The following SYT5 variants were observed in gnomAD, a reference collection of about 807,000 sequenced individuals.
SYT5 encodes the protein synaptotagmin-5.
A neutral mutation model predicts 36.0 loss-of-function variants in SYT5; 29 were observed. The ratio of observed to expected loss-of-function variants is 0.81; its 90% CI spans 0.60 to 1.10. The LOEUF (loss-of-function observed/expected upper bound fraction) is 1.10, where lower values mean the gene tolerates loss of function less well. Ranked by LOEUF, SYT5 falls within the 50% of genes least tolerant of loss-of-function variation. The pLI, the probability that SYT5 is intolerant of heterozygous loss-of-function variation, is 0.00. For synonymous variants in SYT5, 231 were observed against 227.6 expected (o/e 1.02, Z -0.14); for missense variants, 512 against 516.0 (o/e 0.99, Z 0.08).
At chr19:55,174,421 C>T (rs767934329) in intron 8 of SYT5, 96 bp downstream of exon 8, 159 of 1,497,940 alleles carry the variant, frequency 1.1e-4, no homozygotes, top group Non-Finnish European at 1.4e-4. Context: ...GACCCCCTCA[C>T]CTGGTTTCTA....
At position 55,175,367 on chromosome 19, in the gene SYT5, A is replaced by G. The variant is rs374069687; in HGVS notation, c.541-28T>C. On this transcript the variant is annotated intron_variant, in intron 5 of 8. Coordinates refer to ENST00000354308, the MANE Select transcript of SYT5 (RefSeq NM_003180.3). The surrounding 1 kb of genome is among the most constrained non-coding windows in gnomAD (Gnocchi z 4.5). The stretch of plus-strand genomic sequence containing the variant: ...GGAGTGCACAGAGAATCCGCAGTAG[A>G]GAGCAGGAAGTCAGAGATAGGGTGA... The G allele has an allele frequency of 6.6e-6, 10 of 1,506,630 alleles. No individual in the cohort carries two copies. In the African/African-American group the frequency reaches 1.1e-4, roughly 17 times the overall value. The allele number at this position is 1,506,630 out of a possible 1,614,324, so 93.3% of individuals were successfully genotyped here. A position where few individuals can be genotyped will look rare whatever the true frequency, so the allele number is the denominator to read the frequency against.
Position 55,178,302 on chromosome 19 carries a change from C to T in SYT5, c.146G>A (p.Cys49Tyr), listed in dbSNP as rs772003863. Residue 49 changes from cysteine (C) to tyrosine (Y), a missense_variant, in exon 3 of 9, where the codon TGT becomes TAT. Physicochemically the swap from Cys to Tyr is radical, Grantham distance 194. Coordinates refer to ENST00000354308, the MANE Select transcript of SYT5 (RefSeq NM_003180.3). ...SGLLIFSCCF[C>Y]LYRKSCRRRT... ...CCTCCGACAGCTCTTCCGGTAGAGACAGAAACAGCAGCTGAAGATGAGGAG... is the reference window on the plus strand; with the variant it reads ...CCTCCGACAGCTCTTCCGGTAGAGATAGAAACAGCAGCTGAAGATGAGGAG... The T allele has an allele frequency of 2.3e-5, 37 of 1,612,122 alleles. No individual in the cohort carries two copies. The South Asian group carries it at 3.4e-4, about 15-fold the overall frequency.
intron 7 of SYT5, 55 bp downstream of exon 7, chr19:55,174,827 C>T (rs201732298): frequency 7.5e-5 from 120 of 1,589,758 alleles, no homozygotes; most frequent in African/African-American, 5.4e-5. Context: ...ACTGTCAGAA[C>T]GAGAACCCAC....
Position 55,173,477 on chromosome 19 carries a change from G to C in SYT5, c.*7C>G, listed in dbSNP as rs1019081625. ...GTCCAGGCTTGGCCGGGGGCTTGGGGTGGGAGTCAGGGCGCAGGCAGCAGC... is the reference window on the plus strand; with the variant it reads ...GTCCAGGCTTGGCCGGGGGCTTGGGCTGGGAGTCAGGGCGCAGGCAGCAGC... On this transcript the variant is annotated 3_prime_UTR_variant, in exon 9 of 9. Transcript: ENST00000354308. This position sits in a 1 kb window ranked among gnomAD's most constrained non-coding sequence, Gnocchi z 5.4. 32 of 1,357,594 alleles carry C rather than the reference G, an allele frequency of 2.4e-5. No homozygotes were observed. The Middle Eastern group carries it at 8.3e-4, about 35-fold the overall frequency. 84.1% of individuals were successfully genotyped at this position (1,357,594 alleles called of 1,614,324 possible).
chr19:55,177,823 A>G (rs766426704), intron 3 of SYT5, among the ~76,000 whole-genome samples: 9 of 152,194 alleles, frequency 5.9e-5, no homozygotes, highest in Non-Finnish European at 1.0e-4. Flanking sequence ...CCCAAGTGCT[A>G]GGATTACAGG....
In SYT5 at chr19:55,173,783, C is replaced by T; in HGVS notation, c.961-99G>A. The T allele has an allele frequency of 1.6e-6, 2 of 1,246,472 alleles. No individual in the cohort carries two copies. Among genetic ancestry groups the T allele is most frequent in the Non-Finnish European group, 2.0e-6 (2 of 977,842 alleles). 77.2% of individuals were successfully genotyped at this position (1,246,472 alleles called of 1,614,324 possible). ...TCACGGCTGAGGGTACCTCTCGCTGCCACCCGAGGGCTCGGGGCCCCGGAG... is the reference window on the plus strand; with the variant it reads ...TCACGGCTGAGGGTACCTCTCGCTGTCACCCGAGGGCTCGGGGCCCCGGAG... On this transcript the variant is annotated intron_variant, in intron 8 of 8. Coordinates refer to ENST00000354308, the MANE Select transcript of SYT5 (RefSeq NM_003180.3). The surrounding 1 kb of genome is among the most constrained non-coding windows in gnomAD (Gnocchi z 5.4).
intron 2 of SYT5, among the ~76,000 whole-genome samples, 197 bp downstream of exon 2, chr19:55,178,753 ATTTTTTTTTTTTT>A (rs5828614): frequency 5.2e-4 from 26 of 50,474 alleles, no homozygotes; most frequent in East Asian, 2.1e-3. Flanking sequence ...TCCGGTTTCG[ATTTTTTTTTTTTT>A]TTTTTTTTTT....
rs530168575 is a variant in SYT5, at chr19:55,172,905, C to T, written c.*579G>A. ...CCCAACATTCTCCAGAGGAGGAAAC[C>T]CAGGCTCAGAGTGGTGAGTGAGGAA... On this transcript the variant is annotated 3_prime_UTR_variant, in exon 9 of 9. Transcript: ENST00000354308. 1 of 152,476 alleles carries T rather than the reference C, an allele frequency of 6.6e-6. No individual in the cohort carries two copies. The highest frequency in any genetic ancestry group is 2.4e-5 in the African/African-American group (1 of 41,572). The allele number at this position is 152,476 out of a possible 1,614,324, so 9.4% of individuals were successfully genotyped here.
intron 8 of SYT5, among the ~76,000 whole-genome samples, chr19:55,174,229 T>C (rs955789027): frequency 7.7e-5 from 11 of 143,566 alleles, no homozygotes; most frequent in African/African-American, 3.0e-4. Context: ...TGGTTCCGCT[T>C]GGTGGGGCGG....
chr19:55,178,402 C>T (rs770872736), intron 2 of SYT5, 34 bp from the exon 3 acceptor site: 2 of 1,592,916 alleles, frequency 1.3e-6, no homozygotes, highest in East Asian at 4.5e-5. Flanking sequence ...ACATTGAGGC[C>T]TGGGCAGCAC....
chr19:55,173,477 G>T lies in SYT5; in HGVS notation c.*7C>A. 1 of 1,357,594 alleles carries T rather than the reference G, an allele frequency of 7.4e-7. No homozygotes were observed. The highest frequency in any genetic ancestry group is 9.5e-7 in the Non-Finnish European group (1 of 1,056,002). The allele number at this position is 1,357,594 out of a possible 1,614,324, so 84.1% of individuals were successfully genotyped here. ...GTCCAGGCTTGGCCGGGGGCTTGGG[G>T]TGGGAGTCAGGGCGCAGGCAGCAGC... is the stretch of plus-strand genomic sequence containing the variant. On this transcript the variant is annotated 3_prime_UTR_variant, in exon 9 of 9. Transcript: ENST00000354308. The surrounding 1 kb of genome is among the most constrained non-coding windows in gnomAD (Gnocchi z 5.4).
intron 7 of SYT5, 54 bp downstream of exon 7, chr19:55,174,828 G>C (rs1028616370): frequency 6.3e-7 from 1 of 1,589,570 alleles, no homozygotes; most frequent in African/African-American, 1.3e-5. Context: ...CTGTCAGAAC[G>C]AGAACCCACC....
rs2086023452 is a variant in SYT5, at chr19:55,173,203, C to T, written c.*281G>A. ...GATGGCTGATTGTCAAAGCAGGGGG[C>T]AGGACCCGGGGGCAGGAGAAACCAG... is the stretch of plus-strand genomic sequence containing the variant. On this transcript the variant is annotated 3_prime_UTR_variant, in exon 9 of 9. Coordinates refer to ENST00000354308, the MANE Select transcript of SYT5 (RefSeq NM_003180.3). The surrounding 1 kb of genome is among the most constrained non-coding windows in gnomAD (Gnocchi z 5.4). 1 of 375,730 alleles carries T rather than the reference C, an allele frequency of 2.7e-6. No homozygotes were observed. Among genetic ancestry groups the T allele is most frequent in the Non-Finnish European group, 4.7e-6 (1 of 211,636 alleles). 23.3% of individuals were successfully genotyped at this position (375,730 alleles called of 1,614,324 possible).
Position 55,175,633 on chromosome 19 carries a change from C to T in SYT5, c.540+76G>A. ...GAGCTGTGGCCGCCTCCAGGAAAAGCGGAAGGGGTCGGTCCCTAGTGTTCC... is the reference window on the plus strand; with the variant it reads ...GAGCTGTGGCCGCCTCCAGGAAAAGTGGAAGGGGTCGGTCCCTAGTGTTCC... On this transcript the variant is annotated intron_variant, in intron 5 of 8. Transcript: ENST00000354308. The surrounding 1 kb of genome is among the most constrained non-coding windows in gnomAD (Gnocchi z 4.5). 2 of 1,550,686 alleles carry T rather than the reference C, an allele frequency of 1.3e-6. No individual in the cohort carries two copies. The highest frequency in any genetic ancestry group is 2.3e-5 in the East Asian group (1 of 44,248).
In SYT5 at chr19:55,179,126, A is replaced by G; in HGVS notation, c.-45-40T>C. On this transcript the variant is annotated intron_variant, in intron 1 of 8. Transcript: ENST00000354308. The surrounding 1 kb of genome is among the most constrained non-coding windows in gnomAD (Gnocchi z 4.5). ...CCACCCCAGACGTCCTTTGAGCCCCACGCACAACAAAGAACTCCAACTCCC... is the reference window on the plus strand; with the variant it reads ...CCACCCCAGACGTCCTTTGAGCCCCGCGCACAACAAAGAACTCCAACTCCC... The G allele has an allele frequency of 6.5e-7, 1 of 1,542,790 alleles. No homozygotes were observed. Among genetic ancestry groups the G allele is most frequent in the East Asian group, 2.4e-5 (1 of 41,028 alleles).
chr19:55,172,554 T>C lies in SYT5; in HGVS notation c.*930A>G, dbSNP rs1193128157. ...AAGAAAGAGGTGAAGTTGAAATCAT[T>C]GGCTTTCCTTGCTGAACTCCAACCT... is the stretch of plus-strand genomic sequence containing the variant. On this transcript the variant is annotated 3_prime_UTR_variant, in exon 9 of 9. Transcript: ENST00000354308. The C allele has an allele frequency of 6.6e-6, 1 of 151,934 alleles. No individual in the cohort carries two copies. The highest frequency in any genetic ancestry group is 1.9e-4 in the East Asian group (1 of 5,188). 9.4% of individuals were successfully genotyped at this position (151,934 alleles called of 1,614,324 possible). A position where few individuals can be genotyped will look rare whatever the true frequency, so the allele number is the denominator to read the frequency against.
In SYT5 at chr19:55,175,784, G is replaced by A. The variant is rs2086069665; in HGVS notation, c.465C>T (p.Asp155=). The change falls in exon 5 of 9, where the codon GAC becomes GAT. Residue 155 remains aspartate, a synonymous_variant. Transcript: ENST00000354308. The surrounding 1 kb of genome is among the most constrained non-coding windows in gnomAD (Gnocchi z 4.5). ...DPYVRVYLLP[D]KRRRYETKVH... is the part of the protein sequence containing the mutation. ...CCTTGGTCTCGTACCGCCTCCGTTT[G>A]TCCGGCAGCAGGTAGACCCGCACAT... 2 of 1,614,198 alleles carry A rather than the reference G, an allele frequency of 1.2e-6. No homozygotes were observed. Among genetic ancestry groups the A allele is most frequent in the Non-Finnish European group, 1.7e-6 (2 of 1,180,034 alleles).
rs2086064561 is a variant in SYT5, at chr19:55,175,406, C to T, written c.541-67G>A. ...GAGATAGGGTGAGGCACAGCACAACCAGAAGGAAGGCATGGAGTGAGGCAG... is the reference window on the plus strand; with the variant it reads ...GAGATAGGGTGAGGCACAGCACAACTAGAAGGAAGGCATGGAGTGAGGCAG... On this transcript the variant is annotated intron_variant, in intron 5 of 8. Transcript: ENST00000354308. This position sits in a 1 kb window ranked among gnomAD's most constrained non-coding sequence, Gnocchi z 4.5. 6.9e-7 allele frequency: 1 copy of T among 1,455,406 alleles called. No homozygotes were observed. The highest frequency in any genetic ancestry group is 1.4e-5 in the African/African-American group (1 of 70,634). 90.2% of individuals were successfully genotyped at this position (1,455,406 alleles called of 1,614,324 possible). A position where few individuals can be genotyped will look rare whatever the true frequency, so the allele number is the denominator to read the frequency against.
intron 3 of SYT5, 25 bp downstream of exon 3, chr19:55,178,171 G>A (rs1362812219): frequency 6.2e-7 from 1 of 1,603,000 alleles, no homozygotes; most frequent in Non-Finnish European, 8.5e-7. Flanking sequence ...AAGGGGCCAG[G>A]TGGAGGGGCT....
Sources: allele counts gnomAD v4.1 joint callset (sites outside exome capture counted in the v4.1 genomes callset), GRCh38; gene constraint gnomAD v4.1.1; non-coding constraint Gnocchi (gnomAD v3.1); transcripts MANE v1.5; gene names NCBI Gene and HGNC (gene_info 2026-07-23, HGNC 2026-07-21).